Variants in ZCCHC2 observed in about 807,000 individuals in gnomAD.
ZCCHC2 encodes the protein zinc finger CCHC domain-containing protein 2.
ZCCHC2 carries 39 observed loss-of-function variants against 103.6 expected under a neutral mutation model. That is an observed-to-expected ratio of 0.38 (90% CI 0.29 to 0.49). The LOEUF (loss-of-function observed/expected upper bound fraction) is 0.49, where lower values mean the gene tolerates loss of function less well. Among genes scored for constraint, ZCCHC2 ranks in the 20% least tolerant of loss-of-function variants. The pLI is 0.96. For missense variants in ZCCHC2, 1,483 were observed against 1,491.0 expected, an observed-to-expected ratio of 0.99 and a Z score of 0.09; for synonymous variants, 687 against 608.9, an observed-to-expected ratio of 1.13 and a Z score of -1.89.
intron 11 of ZCCHC2, among the ~76,000 whole-genome samples, chr18:62,567,060 T>C (rs553827487): frequency 6.6e-6 from 1 of 152,354 alleles, no homozygotes; most frequent in East Asian, 1.9e-4. Context: ...TCTATATCCG[T>C]CACCGATTTG....
rs770867052 is a variant in ZCCHC2, at chr18:62,574,313, T to G, written c.2232T>G (p.Asp744Glu). ...EVVVPAPKPADGKTIGMLVPS... is the reference protein window; with the variant it reads ...EVVVPAPKPAEGKTIGMLVPS... ...TCGTTCCTGCACCCAAACCCGCTGA[T>G]GGCAAAACCATAGGGATGCTTGTTC... Residue 744 changes from aspartate (D) to glutamate (E), a missense_variant, in exon 13 of 14, where the codon GAT becomes GAG. This residue lies in a region of ZCCHC2 where 884 missense variants were observed against 907.5 expected (regional missense o/e 0.97). Coordinates refer to ENST00000269499, the MANE Select transcript of ZCCHC2 (RefSeq NM_017742.6). The G allele has an allele frequency of 6.2e-7, 1 of 1,614,078 alleles. No individual in the cohort carries two copies. The highest frequency in any genetic ancestry group is 2.2e-5 in the East Asian group (1 of 44,892).
At chr18:62,550,501 A>G (rs1337645891) in intron 5 of ZCCHC2, 41 bp downstream of exon 5, 2 of 1,496,954 alleles carry the variant, frequency 1.3e-6, no homozygotes, top group Non-Finnish European at 9.2e-7. Context: ...GCATACACAC[A>G]GGACAAAGGG....
chr18:62,542,371 C>T lies in ZCCHC2; in HGVS notation c.1052-127C>T, dbSNP rs955618224. 8 of 604,232 alleles carry T rather than the reference C, an allele frequency of 1.3e-5. No individual in the cohort carries two copies. In the East Asian group the frequency reaches 1.4e-4, roughly 11 times the overall value. 37.4% of individuals were successfully genotyped at this position (604,232 alleles called of 1,614,324 possible). On this transcript the variant is annotated intron_variant, in intron 2 of 13. Coordinates refer to ENST00000269499, the MANE Select transcript of ZCCHC2 (RefSeq NM_017742.6). ...TTTTTTTTATTTCATGATTTAAGAC[C>T]AGTCATAAAGATGAAAGTGAGTAGC...
At position 62,524,225 on chromosome 18, in the gene ZCCHC2, G is replaced by C; in HGVS notation, c.801G>C (p.Ser267=). The change falls in exon 1 of 14, where the codon TCG becomes TCC. Residue 267 remains serine (S), a synonymous_variant. Coordinates refer to ENST00000269499, the MANE Select transcript of ZCCHC2 (RefSeq NM_017742.6). ...TGCTGCTGCTCTTCACCATGGCCTC[G>C]CTGCACCCGGCTTTCTCCTTCCACC... The part of the protein sequence containing the change: ...EELLLLFTMA[S]LHPAFSFHQR... The C allele has an allele frequency of 1.3e-6, 2 of 1,549,986 alleles. No homozygotes were observed. The highest frequency in any genetic ancestry group is 1.7e-6 in the Non-Finnish European group (2 of 1,146,648).
In ZCCHC2 at chr18:62,539,707, G is replaced by C. The variant is rs748604052; in HGVS notation, c.966G>C (p.Met322Ile). Residue 322 changes from methionine to isoleucine, a missense_variant, in exon 2 of 14, where the codon ATG (methionine) becomes ATC (isoleucine). Physicochemically the swap from Met to Ile is conservative, Grantham distance 10. This residue lies in a region of ZCCHC2 where 568 missense variants were observed against 525.1 expected (regional missense o/e 1.08). Coordinates refer to ENST00000269499, the MANE Select transcript of ZCCHC2 (RefSeq NM_017742.6). ...ACAACTCTGCTCATGGTGATTACAT[G>C]CAAAATAACGAGAGCAGCTTAATAG... Reference protein sequence around the residue: ...AQNNSAHGDYMQNNESSLIEQ... With the variant: ...AQNNSAHGDYIQNNESSLIEQ... 2 of 1,598,672 alleles carry C rather than the reference G, an allele frequency of 1.3e-6. No individual in the cohort carries two copies. Among genetic ancestry groups the C allele is most frequent in the African/African-American group, 2.7e-5 (2 of 74,722 alleles).
Position 62,575,560 on chromosome 18 carries a change from A to G in ZCCHC2, c.3469+10A>G, listed in dbSNP as rs149808811. ...GAGGCCAATCAACAAGGTAATCACA[A>G]TAACTCCCAGAGGACTTGTTTTTGA... On this transcript the variant is annotated intron_variant, in intron 13 of 13. Transcript: ENST00000269499. 2,948 of 1,609,534 alleles carry G rather than the reference A, an allele frequency of 1.8e-3. 9 individuals are homozygous for G. Among genetic ancestry groups the G allele is most frequent in the Middle Eastern group, 8.1e-3 (47 of 5,806 alleles).
intron 5 of ZCCHC2, among the ~76,000 whole-genome samples, chr18:62,554,503 A>G (rs570042366): frequency 1.3e-5 from 2 of 152,322 alleles, no homozygotes; most frequent in East Asian, 1.9e-4. Flanking sequence ...TATAATTGCC[A>G]TCTGTGGTTA....
In ZCCHC2 at chr18:62,523,377, C is replaced by CGCCGG; in HGVS notation, c.-48_-47insGCCGG. Reference sequence around the variant, plus strand: ...CCTCGGCCCGTGCTCCACCTCGCGGCCCCTCCCGCCCGCCCCCGCTCGCAT... The same window carrying CGCCGG: ...CCTCGGCCCGTGCTCCACCTCGCGGCGCCGGCCCTCCCGCCCGCCCCCGCTCGCAT... On this transcript the variant is annotated 5_prime_UTR_variant, in exon 1 of 14. Coordinates refer to ENST00000269499, the MANE Select transcript of ZCCHC2 (RefSeq NM_017742.6). The CGCCGG allele has an allele frequency of 4.3e-6, 1 of 230,574 alleles. No individual in the cohort carries two copies. Among genetic ancestry groups the CGCCGG allele is most frequent in the Non-Finnish European group, 7.1e-6 (1 of 140,644 alleles). 14.3% of individuals were successfully genotyped at this position (230,574 alleles called of 1,614,324 possible). A position where few individuals can be genotyped will look rare whatever the true frequency, so the allele number is the denominator to read the frequency against.
At chr18:62,524,673 G>A in intron 1 of ZCCHC2, 1 of 392,312 alleles carries the variant, frequency 2.5e-6, no homozygotes, top group Non-Finnish European at 4.5e-6. Flanking sequence ...CCTCTCGGAG[G>A]AAAAGTGTCG....
At position 62,575,546 on chromosome 18, in the gene ZCCHC2, A is replaced by G. The variant is rs777410702; in HGVS notation, c.3465A>G (p.Gln1155=). 6.2e-7 allele frequency: 1 copy of G among 1,612,774 alleles called. No individual in the cohort carries two copies. The highest frequency in any genetic ancestry group is 1.1e-5 in the South Asian group (1 of 91,014). Residue 1155 remains glutamine, a synonymous_variant, in exon 13 of 14, where the codon CAA becomes CAG. Transcript: ENST00000269499. ...DCKQSSMEAN[Q]QGTYRLRYAP... ...AGCAGTCGTCCATGGAGGCCAATCA[A>G]CAAGGTAATCACAATAACTCCCAGA...
intron 1 of ZCCHC2, among the ~76,000 whole-genome samples, chr18:62,525,755 G>C (rs1159804480): frequency 3.3e-5 from 5 of 152,020 alleles, no homozygotes; most frequent in Admixed American, 6.6e-5. Flanking sequence ...CGGTGAGTTT[G>C]AAATTTTGTC....
intron 5 of ZCCHC2, chr18:62,552,469 C>T (rs1915706221): frequency 6.6e-6 from 1 of 152,122 alleles, no homozygotes; most frequent in South Asian, 2.1e-4. Context: ...AGGAGTTAGC[C>T]ATTACACTAG....
At chr18:62,559,863 A>T (rs1363666451) in intron 7 of ZCCHC2, among the ~76,000 whole-genome samples, 1 of 151,750 alleles carries the variant, frequency 6.6e-6, no homozygotes, top group Non-Finnish European at 1.5e-5. Flanking sequence ...TGGGGGAAAA[A>T]ATTCTTTTTC....
chr18:62,569,239 C>T (rs1348183413), intron 11 of ZCCHC2, among the ~76,000 whole-genome samples: 1 of 152,158 alleles, frequency 6.6e-6, no homozygotes, highest in African/African-American at 2.4e-5. Context: ...AAGTCAGTTG[C>T]CTGCATTGCT....
intron 2 of ZCCHC2, among the ~76,000 whole-genome samples, chr18:62,541,410 C>T (rs534363787): frequency 9.9e-5 from 15 of 152,168 alleles, no homozygotes; most frequent in Non-Finnish European, 1.8e-4. Flanking sequence ...GCCCACCTTC[C>T]GTGGTCTTTT....
Position 62,556,236 on chromosome 18 carries a change from A to G in ZCCHC2, c.1347A>G (p.Leu449=). 2 of 1,605,884 alleles carry G rather than the reference A, an allele frequency of 1.2e-6. No homozygotes were observed. The highest frequency in any genetic ancestry group is 1.7e-6 in the Non-Finnish European group (2 of 1,175,824). Residue 449 remains leucine, a synonymous_variant, in exon 6 of 14, where the codon CTA becomes CTG. Transcript: ENST00000269499. ...QLFSSSSQAF[L]QSQKVHSFFQ... is the part of the protein sequence containing the mutation. ...TTTCAAGTTCATCACAAGCTTTTCT[A>G]CAAAGTCAGAAAGTACACAGCTTCT...
chr18:62,569,863 C>CAAA (rs925184365), intron 11 of ZCCHC2, among the ~76,000 whole-genome samples: 10 of 152,178 alleles, frequency 6.6e-5, no homozygotes, highest in African/African-American at 2.4e-4. Context: ...CCAACCTTAA[C>CAAA]TCGTTTTTTC....
At chr18:62,560,723 T>C in intron 8 of ZCCHC2, 79 bp downstream of exon 8, 1 of 1,129,490 alleles carries the variant, frequency 8.9e-7, no homozygotes, top group Non-Finnish European at 1.3e-6. Flanking sequence ...ATTTCTGATG[T>C]ATTTGGCTAT....
intron 1 of ZCCHC2, among the ~76,000 whole-genome samples, chr18:62,527,950 T>A (rs1914508045): frequency 6.6e-6 from 1 of 152,206 alleles, no homozygotes; most frequent in Non-Finnish European, 1.5e-5. Flanking sequence ...AGACATTCGT[T>A]AACTGTTCGG....
Sources: allele counts gnomAD v4.1 joint callset (sites outside exome capture counted in the v4.1 genomes callset), GRCh38; gene constraint gnomAD v4.1.1; regional missense constraint gnomAD v4.1.1; transcripts MANE v1.5; gene names NCBI Gene and HGNC (gene_info 2026-07-23, HGNC 2026-07-21).